Variants in TSBP1 observed in about 807,000 individuals in gnomAD.
The protein encoded by TSBP1 is testis-expressed basic protein 1.
In TSBP1, 56 loss-of-function variants were observed where a neutral mutation model predicts 68.8. The ratio of observed to expected loss-of-function variants is 0.81; its 90% CI spans 0.66 to 1.02. TSBP1 has a LOEUF of 1.02. Among genes scored for constraint, TSBP1 ranks in the 50% least tolerant of loss-of-function variants. The pLI, the probability that TSBP1 is intolerant of heterozygous loss-of-function variation, is 0.00. For synonymous variants in TSBP1, 171 were observed against 208.7 expected (o/e 0.82, Z 1.56); for missense variants, 502 against 641.2 (o/e 0.78, Z 2.34).
intron 9 of TSBP1, among the ~76,000 whole-genome samples, chr6:32,342,060 T>TC (rs139457176): frequency 0.34 from 50,573 of 150,870 alleles, 9,593 homozygotes; most frequent in Middle Eastern, 0.52. Context: ...CTTTTTTTTT[T>TC]TTTTTGACAA....
Position 32,361,448 on chromosome 6 carries a change from T to C in TSBP1, c.217+4719A>G, listed in dbSNP as rs1176931610. Among the ~76,000 whole-genome samples, 1 of 152,180 alleles carries C rather than the reference T, an allele frequency of 6.6e-6. No individual in the cohort carries two copies. The highest frequency in any genetic ancestry group is 1.5e-5 in the Non-Finnish European group (1 of 68,028). On this transcript the variant is annotated intron_variant, in intron 6 of 22. Transcript: ENST00000612031. This position sits in a 1 kb window ranked among gnomAD's most constrained non-coding sequence, Gnocchi z 4.3. Reference sequence around the variant, plus strand: ...TTTCTAGTTCTAGATCCTTGAGGAATCACCACACTGTCTTCCACAATGGTT... The same window carrying C: ...TTTCTAGTTCTAGATCCTTGAGGAACCACCACACTGTCTTCCACAATGGTT...
Position 32,325,404 on chromosome 6 carries a change from G to A in TSBP1, c.515-1790C>T. ...CAGGGGCTTTGGATTTTTCACATATGCCACTGTGGAGGAGGTGGATGCAGC... is the reference window on the plus strand; with the variant it reads ...CAGGGGCTTTGGATTTTTCACATATACCACTGTGGAGGAGGTGGATGCAGC... On this transcript the variant is annotated intron_variant, in intron 16 of 22. Coordinates refer to ENST00000612031, the Ensembl canonical transcript of TSBP1. This position sits in a 1 kb window ranked among gnomAD's most constrained non-coding sequence, Gnocchi z 4.4. 1.1e-6 allele frequency: 1 copy of A among 940,940 alleles called. No homozygotes were observed. Among genetic ancestry groups the A allele is most frequent in the Non-Finnish European group, 1.7e-6 (1 of 582,114 alleles). 58.3% of individuals were successfully genotyped at this position (940,940 alleles called of 1,614,324 possible).
rs545450031 is a variant in TSBP1, at chr6:32,346,844, A to T, written c.349+2896T>A. 1.2e-3 allele frequency among the ~76,000 whole-genome samples: 158 copies of T among 131,370 alleles called. No individual in the cohort carries two copies. The South Asian group carries it at 0.013, about 11-fold the overall frequency. 86.2% of individuals were successfully genotyped at this position (131,370 alleles called of 152,430 possible). ...GAGTGAGATTCTATCTCAATTTTTTAAAAAAATACTGTATCTCAGATGTTG... is the reference window on the plus strand; with the variant it reads ...GAGTGAGATTCTATCTCAATTTTTTTAAAAAATACTGTATCTCAGATGTTG... On this transcript the variant is annotated intron_variant, in intron 9 of 22. Transcript: ENST00000612031.
Position 32,336,314 on chromosome 6 carries a change from G to A in TSBP1, c.430+301C>T, listed in dbSNP as rs1311014683. ...GATCATTATGACTATTTCTAAGAGG[G>A]CTGTTTTGGTTTATATTTTTAAATG... On this transcript the variant is annotated intron_variant, in intron 12 of 22. Transcript: ENST00000612031. This position sits in a 1 kb window ranked among gnomAD's most constrained non-coding sequence, Gnocchi z 5.2. Among the ~76,000 whole-genome samples the A allele has an allele frequency of 6.6e-6, 1 of 152,112 alleles. No homozygotes were observed. Among genetic ancestry groups the A allele is most frequent in the East Asian group, 1.9e-4 (1 of 5,198 alleles).
At chr6:32,342,073 A>T in intron 9 of TSBP1, among the ~76,000 whole-genome samples, 1 of 148,036 alleles carries the variant, frequency 6.8e-6, no homozygotes, top group African/African-American at 2.5e-5. Flanking sequence ...TTTGACAATC[A>T]ATTGAAATCA....
intron 16 of TSBP1, among the ~76,000 whole-genome samples, chr6:32,326,532 A>C (rs1446695047): frequency 6.6e-6 from 1 of 152,236 alleles, no homozygotes; most frequent in East Asian, 1.9e-4. Flanking sequence ...TGGAAAAATA[A>C]GGGACCAAGG....
At position 32,335,426 on chromosome 6, in the gene TSBP1, A is replaced by C; in HGVS notation, c.472+11T>G. On this transcript the variant is annotated intron_variant, in intron 14 of 22. Coordinates refer to ENST00000612031, the Ensembl canonical transcript of TSBP1. This position sits in a 1 kb window ranked among gnomAD's most constrained non-coding sequence, Gnocchi z 5.5. ...CTAAAAGGCATTATAATTGAGAATC[A>C]GATGACTTACCAATGGTTTTTTGAG... 6.6e-7 allele frequency: 1 copy of C among 1,512,780 alleles called. No homozygotes were observed. The allele number at this position is 1,512,780 out of a possible 1,614,324, so 93.7% of individuals were successfully genotyped here. A position where few individuals can be genotyped will look rare whatever the true frequency, so the allele number is the denominator to read the frequency against.
At chr6:32,353,994 A>C (rs1401994417) in intron 8 of TSBP1, among the ~76,000 whole-genome samples, 1 of 152,036 alleles carries the variant, frequency 6.6e-6, no homozygotes, top group African/African-American at 2.4e-5. Flanking sequence ...GTATTAGATA[A>C]AATCTTTGTG....
chr6:32,343,254 T>A lies in TSBP1; in HGVS notation c.350-3616A>T. ...TAAACTTACTCATGGATCCTTGAGG[T>A]AAAGCTAAAGAACAATAACAATTAT... On this transcript the variant is annotated intron_variant, in intron 9 of 22. Transcript: ENST00000612031. The surrounding 1 kb of genome is among the most constrained non-coding windows in gnomAD (Gnocchi z 4.3). The A allele has an allele frequency of 1.4e-6, 2 of 1,406,870 alleles. No homozygotes were observed. Among genetic ancestry groups the A allele is most frequent in the Non-Finnish European group, 1.9e-6 (2 of 1,074,926 alleles). 87.1% of individuals were successfully genotyped at this position (1,406,870 alleles called of 1,614,324 possible). A position where few individuals can be genotyped will look rare whatever the true frequency, so the allele number is the denominator to read the frequency against.
chr6:32,323,569 T>C (rs1160578606), intron 17 of TSBP1, 22 bp downstream of exon 18: 1 of 1,608,610 alleles, frequency 6.2e-7, no homozygotes, highest in Non-Finnish European at 8.5e-7. Flanking sequence ...CAGAAAAGAG[T>C]AGAAAAAGAA....
At position 32,325,449 on chromosome 6, in the gene TSBP1, A is replaced by T. The variant is rs934656508; in HGVS notation, c.515-1835T>A. On this transcript the variant is annotated intron_variant, in intron 16 of 22. Transcript: ENST00000612031. The surrounding 1 kb of genome is among the most constrained non-coding windows in gnomAD (Gnocchi z 4.4). ...TGCAGCCGTGAATGCAAGGCCACAC[A>T]AGGTGGATGGAAGAGCTGTGGAACC... The T allele has an allele frequency of 7.7e-6, 7 of 914,262 alleles. No individual in the cohort carries two copies. The highest frequency in any genetic ancestry group is 6.6e-5 in the African/African-American group (4 of 60,688). The allele number at this position is 914,262 out of a possible 1,614,324, so 56.6% of individuals were successfully genotyped here. A position where few individuals can be genotyped will look rare whatever the true frequency, so the allele number is the denominator to read the frequency against.
chr6:32,354,902 T>C (rs181354397), intron 8 of TSBP1, among the ~76,000 whole-genome samples: 2 of 152,182 alleles, frequency 1.3e-5, no homozygotes, highest in African/African-American at 2.4e-5. Context: ...ATTTAAAATA[T>C]ATTAATAAGC....
rs6910071 is a variant in TSBP1 at position 32,315,077 on chromosome 6, A to G, written c.580+695T>C. Among the ~76,000 whole-genome samples the G allele has an allele frequency of 0.14, 21,952 of 152,250 alleles. 1,979 individuals are homozygous for G. Among genetic ancestry groups the G allele is most frequent in the Non-Finnish European group, 0.2 (13,694 of 68,006 alleles). On this transcript the variant is annotated intron_variant, in intron 19 of 22. Coordinates refer to ENST00000612031, the Ensembl canonical transcript of TSBP1. The surrounding 1 kb of genome is among the most constrained non-coding windows in gnomAD (Gnocchi z 5.4). ...ATTTAATTTCAGGATGAGGAATCTC[A>G]GCTGATATTGGGTTTGCTTAAATCA...
chr6:32,299,872 A>T, intron 22 of TSBP1, 50 bp downstream of exon 25: 1 of 1,478,008 alleles, frequency 6.8e-7, no homozygotes, highest in South Asian at 1.1e-5. Context: ...GTCACAAAAG[A>T]ATTAAAAGCA....
Position 32,357,172 on chromosome 6 carries a change from T to C in TSBP1, c.218-1503A>G, listed in dbSNP as rs904070427. On this transcript the variant is annotated intron_variant, in intron 6 of 22. Transcript: ENST00000612031. The surrounding 1 kb of genome is among the most constrained non-coding windows in gnomAD (Gnocchi z 4.7). ...TAGGGGGACTGGAAAGTCAGAGAAA[T>C]AGTCATTTGGGTTTATGAATTTTAA... is the stretch of plus-strand genomic sequence containing the variant. Among the ~76,000 whole-genome samples the C allele has an allele frequency of 6.6e-6, 1 of 152,120 alleles. No individual in the cohort carries two copies. The highest frequency in any genetic ancestry group is 2.4e-5 in the African/African-American group (1 of 41,416).
chr6:32,366,225 C>T, intron 5 of TSBP1, 38 bp from the exon 6 acceptor site: 1 of 1,592,232 alleles, frequency 6.3e-7, no homozygotes, highest in Non-Finnish European at 8.5e-7. Flanking sequence ...TTCTTAATTT[C>T]TCATAAACAG....
chr6:32,364,735 C>G (rs1174638354), intron 6 of TSBP1, among the ~76,000 whole-genome samples: 3 of 152,000 alleles, frequency 2.0e-5, no homozygotes, highest in African/African-American at 7.3e-5. Context: ...GATTTTTAGG[C>G]AAACCTTCAT....
chr6:32,351,088 G>A (rs1029367260), intron 8 of TSBP1, among the ~76,000 whole-genome samples: 1 of 152,170 alleles, frequency 6.6e-6, no homozygotes, highest in East Asian at 1.9e-4. Flanking sequence ...AAGCCATTAA[G>A]TTTGTGGTAA....
At chr6:32,334,645 C>A (rs1769432574) in intron 14 of TSBP1, among the ~76,000 whole-genome samples, 1 of 152,024 alleles carries the variant, frequency 6.6e-6, no homozygotes, top group Non-Finnish European at 1.5e-5. Context: ...AGTAGTAAGA[C>A]ATTATAGGGA....
Sources: gnomAD v4.1 joint callset for allele counts (sites outside exome capture counted in the v4.1 genomes callset) on GRCh38, gnomAD v4.1.1 for gene constraint, Gnocchi (gnomAD v3.1) non-coding constraint, MANE v1.5 for transcripts, NCBI Gene and HGNC (gene_info 2026-07-23, HGNC 2026-07-21) for gene names.